FAM135A: variants seen among roughly 807,000 people sequenced by gnomAD.
The protein encoded by FAM135A is protein FAM135A.
A neutral mutation model predicts 146.8 loss-of-function variants in FAM135A; 79 were observed. The ratio of observed to expected loss-of-function variants is 0.54; its 90% CI spans 0.45 to 0.65. The LOEUF (loss-of-function observed/expected upper bound fraction) is 0.65, where lower values mean the gene tolerates loss of function less well. Ranked by LOEUF, FAM135A falls within the 30% of genes least tolerant of loss-of-function variation. The pLI is 0.00. For missense variants in FAM135A, 1,623 were observed against 1,758.2 expected (o/e 0.92, Z 1.38); for synonymous variants, 562 against 603.6 (o/e 0.93, Z 1.01).
chr6:70,419,867 A>G (rs2127703753), intron 2 of FAM135A, among the ~76,000 whole-genome samples: 1 of 152,278 alleles, frequency 6.6e-6, no homozygotes, highest in Middle Eastern at 3.4e-3. Context: ...TGTTCAGGTG[A>G]AGAAATCGAA....
chr6:70,464,925 C>T (rs1317277873), intron 5 of FAM135A, among the ~76,000 whole-genome samples: 2 of 144,422 alleles, frequency 1.4e-5, no homozygotes, highest in East Asian at 4.4e-4. Context: ...CTCAAGTGAT[C>T]CACCTGCCTT....
At chr6:70,479,297 G>A (rs959926789) in intron 8 of FAM135A, among the ~76,000 whole-genome samples, 1 of 152,124 alleles carries the variant, frequency 6.6e-6, no homozygotes, top group African/African-American at 2.4e-5. Flanking sequence ...TTTTGCCACA[G>A]ACTAATAGGA....
chr6:70,511,560 G>A (rs1451516441), intron 12 of FAM135A, among the ~76,000 whole-genome samples: 2 of 149,164 alleles, frequency 1.3e-5, no homozygotes, highest in African/African-American at 2.4e-5. Context: ...CTGATATCAG[G>A]ATATATTTGA....
chr6:70,446,099 G>T (rs1279768865), intron 4 of FAM135A, among the ~76,000 whole-genome samples: 1 of 152,186 alleles, frequency 6.6e-6, no homozygotes, highest in East Asian at 1.9e-4. Context: ...CCAGTTCCTG[G>T]CATTAAGGTC....
intron 20 of FAM135A, among the ~76,000 whole-genome samples, chr6:70,549,365 G>GT (rs1446882960): frequency 6.6e-6 from 1 of 151,916 alleles, no homozygotes; most frequent in Admixed American, 6.6e-5. Flanking sequence ...AAAATATTAA[G>GT]TGAAAAAAGA....
intron 4 of FAM135A, among the ~76,000 whole-genome samples, chr6:70,432,820 T>A (rs1582058767): frequency 1.3e-5 from 2 of 151,912 alleles, no homozygotes; most frequent in Non-Finnish European, 2.9e-5. Context: ...CTCTTTAGGA[T>A]CCTAAAATAC....
intron 20 of FAM135A, among the ~76,000 whole-genome samples, chr6:70,540,582 C>T (rs1365508224): frequency 6.6e-6 from 1 of 152,130 alleles, no homozygotes; most frequent in Non-Finnish European, 1.5e-5. Context: ...GCCTCGGCCT[C>T]CTAAAGTGCT....
At chr6:70,527,796 T>G (rs1795043938) in intron 15 of FAM135A, among the ~76,000 whole-genome samples, 1 of 152,150 alleles carries the variant, frequency 6.6e-6, no homozygotes, top group South Asian at 2.1e-4. Flanking sequence ...TATTGGTATT[T>G]TTAGAGAAAA....
At chr6:70,480,806 G>A in intron 8 of FAM135A, 95 bp from the exon 9 acceptor site, 1 of 1,212,540 alleles carries the variant, frequency 8.2e-7, no homozygotes, top group East Asian at 2.7e-5. Flanking sequence ...CAAAACCCTT[G>A]CTGTTCTATT....
intron 4 of FAM135A, among the ~76,000 whole-genome samples, chr6:70,448,948 C>G (rs1344981424): frequency 6.6e-6 from 1 of 152,160 alleles, no homozygotes; most frequent in Non-Finnish European, 1.5e-5. Context: ...ACCTTCCAGC[C>G]TGGGTGTTAT....
chr6:70,514,602 T>C (rs796923025), intron 12 of FAM135A, among the ~76,000 whole-genome samples: 2 of 152,238 alleles, frequency 1.3e-5, no homozygotes, highest in African/African-American at 4.8e-5. Context: ...TCCCCAAAAT[T>C]GGTGAGTCAG....
At chr6:70,518,912 C>T (rs574981017) in intron 12 of FAM135A, among the ~76,000 whole-genome samples, 138 of 152,324 alleles carry the variant, frequency 9.1e-4, no homozygotes, top group South Asian at 2.9e-3. Flanking sequence ...ACTAACACAA[C>T]GATCTATTCT....
In FAM135A at chr6:70,525,336, A is replaced by G; in HGVS notation, c.2252A>G (p.Asp751Gly). The G allele has an allele frequency of 1.2e-6, 2 of 1,613,058 alleles. No individual in the cohort carries two copies. The highest frequency in any genetic ancestry group is 1.7e-6 in the Non-Finnish European group (2 of 1,179,542). ...TKEYHVVVSGDTIKLPDISAT... is the reference protein window; with the variant it reads ...TKEYHVVVSGGTIKLPDISAT... ...GAATATCATGTTGTAGTAAGTGGAGATACAATTAAGTTACCAGATATTAGT... is the reference window on the plus strand; with the variant it reads ...GAATATCATGTTGTAGTAAGTGGAGGTACAATTAAGTTACCAGATATTAGT... The change falls in exon 15 of 22, where the codon GAT (aspartate) becomes GGT (glycine). Residue 751 changes from aspartate (D) to glycine (G), a missense_variant. Physicochemically the swap from Asp to Gly is moderately conservative, Grantham distance 94 (BLOSUM62 -1). Transcript: ENST00000418814.
At chr6:70,452,662 G>A (rs1777385422) in intron 5 of FAM135A, 91 bp downstream of exon 5, 1 of 830,480 alleles carries the variant, frequency 1.2e-6, no homozygotes, top group South Asian at 2.0e-5. Context: ...TAAGATACCT[G>A]TAATGGTATA....
chr6:70,529,340 A>G (rs1795338831), intron 16 of FAM135A, among the ~76,000 whole-genome samples: 1 of 151,708 alleles, frequency 6.6e-6, no homozygotes, highest in Non-Finnish European at 1.5e-5. Context: ...TTACTGTATT[A>G]TGAGATTCTA....
At position 70,551,428 on chromosome 6, in the gene FAM135A, A is replaced by G. The variant is rs566862933; in HGVS notation, c.4229-5322A>G. 3.3e-5 allele frequency among the ~76,000 whole-genome samples: 5 copies of G among 152,246 alleles called. No homozygotes were observed. In the South Asian group the frequency reaches 6.2e-4, roughly 19 times the overall value. ...GTTTGAGATCAGCCTGGGCAACACA[A>G]TGAGCACCTATTTCTACAAAAAATA... On this transcript the variant is annotated intron_variant, in intron 20 of 21. Transcript: ENST00000418814.
At chr6:70,516,286 T>G (rs1270717354) in intron 12 of FAM135A, among the ~76,000 whole-genome samples, 1 of 152,152 alleles carries the variant, frequency 6.6e-6, no homozygotes, top group East Asian at 1.9e-4. Flanking sequence ...GGTTAGGGTA[T>G]CCCTGAGTAA....
At chr6:70,492,867 A>G (rs940221653) in intron 11 of FAM135A, among the ~76,000 whole-genome samples, 4 of 152,050 alleles carry the variant, frequency 2.6e-5, no homozygotes, top group Non-Finnish European at 5.9e-5. Context: ...TAGTATCTGC[A>G]TACCCTGTTG....
Position 70,481,024 on chromosome 6 carries a change from A to G in FAM135A, c.666A>G (p.Pro222=). The G allele has an allele frequency of 1.3e-6, 2 of 1,592,658 alleles. No individual in the cohort carries two copies. Among genetic ancestry groups the G allele is most frequent in the Non-Finnish European group, 1.7e-6 (2 of 1,171,626 alleles). The change falls in exon 9 of 22, where the codon CCA becomes CCG. Residue 222 remains proline (P), a synonymous_variant. Coordinates refer to ENST00000418814, the MANE Select transcript of FAM135A (RefSeq NM_001162529.3). ...TTAACTACACAAAACAGTTATCACC[A>G]GATGTAAGAACTGAATATGTTTATA... ...FGINYTKQLS[P]DGCSFIIADS...
Sources: allele counts gnomAD v4.1 joint callset (sites outside exome capture counted in the v4.1 genomes callset), GRCh38; gene constraint gnomAD v4.1.1; transcripts MANE v1.5; gene names NCBI Gene and HGNC (gene_info 2026-07-23, HGNC 2026-07-21).